The following SRRT variants were observed in gnomAD, a reference collection of about 807,000 sequenced individuals.
SRRT encodes the protein serrate, RNA effector molecule, also known as serrate RNA effector molecule homolog.
In SRRT, 32 loss-of-function variants were observed where a neutral mutation model predicts 103.2. The ratio of observed to expected loss-of-function variants is 0.31; its 90% CI spans 0.23 to 0.42. The LOEUF (loss-of-function observed/expected upper bound fraction) is 0.42, where lower values mean the gene tolerates loss of function less well. Among genes scored for constraint, SRRT ranks in the 10% least tolerant of loss-of-function variants. The pLI is 1.00. For synonymous variants in SRRT, 525 were observed against 449.0 expected, an observed-to-expected ratio of 1.17 and a Z score of -2.14; for missense variants, 986 against 1,207.5, an observed-to-expected ratio of 0.82 and a Z score of 2.72.
In SRRT at chr7:100,887,809, G is replaced by A; in HGVS notation, c.2276G>A (p.Arg759His). ...AACAACTTCCTCACTGATGCTAAGC[G>A]CCCAGCTCTGCCTGAGATCAAGCCA... ...FFNNFLTDAK[R>H]PALPEIKPAQ... The change falls in exon 17 of 20, where the codon CGC (arginine) becomes CAC (histidine). Residue 759 changes from arginine to histidine, a missense_variant. By Grantham distance (29) the Arg-to-His change is conservative (BLOSUM62 0). Around this residue, in one of 6 missense-constraint regions of SRRT, gnomAD observed 178 missense variants for 189.6 expected, o/e 0.94. Coordinates refer to ENST00000611405, the MANE Select transcript of SRRT (RefSeq NM_015908.6). This position sits in a 1 kb window ranked among gnomAD's most constrained non-coding sequence, Gnocchi z 4.1. 6.2e-7 allele frequency: 1 copy of A among 1,612,656 alleles called. No homozygotes were observed. The highest frequency in any genetic ancestry group is 8.5e-7 in the Non-Finnish European group (1 of 1,178,810).
In SRRT at chr7:100,881,815, G is replaced by T; in HGVS notation, c.398+10G>T. On this transcript the variant is annotated intron_variant, in intron 4 of 19. Coordinates refer to ENST00000611405, the MANE Select transcript of SRRT (RefSeq NM_015908.6). ...TGCCTATCCAGGCCAGGTAAGGGTGGGGCTTCTCAGAAGAGGGTTGGTAGG... is the reference window on the plus strand; with the variant it reads ...TGCCTATCCAGGCCAGGTAAGGGTGTGGCTTCTCAGAAGAGGGTTGGTAGG... The T allele has an allele frequency of 6.3e-7, 1 of 1,591,834 alleles. No individual in the cohort carries two copies. Among genetic ancestry groups the T allele is most frequent in the Admixed American group, 1.8e-5 (1 of 56,806 alleles).
Position 100,885,278 on chromosome 7 carries a change from G to T in SRRT, c.1225G>T (p.Gly409Trp), listed in dbSNP as rs1158691314. 6.2e-7 allele frequency: 1 copy of T among 1,614,182 alleles called. No individual in the cohort carries two copies. Among genetic ancestry groups the T allele is most frequent in the African/African-American group, 1.3e-5 (1 of 75,058 alleles). ...EEWEKPKDAA[G>W]LECKPRPLHK... Reference sequence around the variant, plus strand: ...ATGGGAGAAGCCCAAGGACGCCGCGGGGCTGGAGTGCAAGCCGCGGCCGCT... The same window carrying T: ...ATGGGAGAAGCCCAAGGACGCCGCGTGGCTGGAGTGCAAGCCGCGGCCGCT... The change falls in exon 10 of 20, where the codon GGG becomes TGG. Residue 409 changes from glycine (G) to tryptophan (W), a missense_variant. This residue lies in a region of SRRT where 349 missense variants were observed against 446.9 expected (regional missense o/e 0.78). Coordinates refer to ENST00000611405, the MANE Select transcript of SRRT (RefSeq NM_015908.6). This position sits in a 1 kb window ranked among gnomAD's most constrained non-coding sequence, Gnocchi z 4.8.
In SRRT at chr7:100,884,062, G is replaced by A. The variant is rs757968770; in HGVS notation, c.588-8G>A. 5.0e-5 allele frequency: 78 copies of A among 1,569,150 alleles called. No homozygotes were observed. The highest frequency in any genetic ancestry group is 6.4e-5 in the Admixed American group (3 of 47,168). ...GTTTTGTCTTTCCCTCCCCCGCTTC[G>A]TTCCCAGGTTTCGGTCTAAGTACCA... is the stretch of plus-strand genomic sequence containing the variant. On this transcript the variant is annotated splice_polypyrimidine_tract_variant and splice_region_variant and intron_variant, in intron 5 of 19. Coordinates refer to ENST00000611405, the MANE Select transcript of SRRT (RefSeq NM_015908.6).
Position 100,881,667 on chromosome 7 carries a change from A to G in SRRT, c.260A>G (p.His87Arg). ...GTGTCCCCCACCTTCAGGGATGAGC[A>G]CAGCTCTGACCCATACCACAGTGGC... ...QKRMRRDWDE[H>R]SSDPYHSGYE... is the part of the protein sequence containing the mutation. Residue 87 changes from histidine (H) to arginine (R), a missense_variant, in exon 4 of 20, where the codon CAC (histidine) becomes CGC (arginine). This residue lies in a region of SRRT where 274 missense variants were observed against 358.5 expected (regional missense o/e 0.76). Coordinates refer to ENST00000611405, the MANE Select transcript of SRRT (RefSeq NM_015908.6). 2 of 1,613,818 alleles carry G rather than the reference A, an allele frequency of 1.2e-6. No homozygotes were observed. The highest frequency in any genetic ancestry group is 1.7e-6 in the Non-Finnish European group (2 of 1,179,972).
chr7:100,881,686 C>T lies in SRRT; in HGVS notation c.279C>T (p.His93=), dbSNP rs1363715859. 1.2e-6 allele frequency: 2 copies of T among 1,614,058 alleles called. No homozygotes were observed. The highest frequency in any genetic ancestry group is 2.2e-5 in the East Asian group (1 of 44,864). The change falls in exon 4 of 20, where the codon CAC becomes CAT. Residue 93 remains histidine, a synonymous_variant. Transcript: ENST00000611405. ...ATGAGCACAGCTCTGACCCATACCACAGTGGCTATGAGATGCCCTATGCTG... is the reference window on the plus strand; with the variant it reads ...ATGAGCACAGCTCTGACCCATACCATAGTGGCTATGAGATGCCCTATGCTG... ...DWDEHSSDPY[H]SGYEMPYAGG... is the part of the protein sequence containing the mutation.
At chr7:100,884,610 A>G in intron 7 of SRRT, 58 bp downstream of exon 7, 1 of 747,268 alleles carries the variant, frequency 1.3e-6, no homozygotes, top group Non-Finnish European at 2.0e-6. Context: ...GGGGGCGGGT[A>G]GGGGTCCATA....
chr7:100,877,987 TG>T (rs1815914667), intron 2 of SRRT, among the ~76,000 whole-genome samples: 1 of 152,190 alleles, frequency 6.6e-6, no homozygotes, highest in Non-Finnish European at 1.5e-5. Flanking sequence ...TGGTATTTGT[TG>T]CCAGTGATGA....
intron 2 of SRRT, among the ~76,000 whole-genome samples, chr7:100,878,703 G>T (rs1021942881): frequency 1.3e-5 from 2 of 149,372 alleles, no homozygotes; most frequent in Non-Finnish European, 3.0e-5. Context: ...CTGATTTTCT[G>T]TTTTTTTTTT....
intron 2 of SRRT, among the ~76,000 whole-genome samples, chr7:100,877,779 CAA>C (rs1230280872): frequency 6.6e-6 from 1 of 152,126 alleles, no homozygotes; most frequent in Non-Finnish European, 1.5e-5. Context: ...TTCGACCTCT[CAA>C]AGTGCTGGGA....
intron 12 of SRRT, 80 bp from the exon 13 acceptor site, chr7:100,886,167 A>G (rs953274555): frequency 5.3e-6 from 8 of 1,497,858 alleles, no homozygotes; most frequent in South Asian, 1.2e-5. Context: ...CTGGTGCTCA[A>G]GAGGGAAGGG....
chr7:100,887,783 TAAC>T lies in SRRT; in HGVS notation c.2254_2256del (p.Asn752del). ...AAGTGAAAAAGGAAGTCGCGTTTTTTAACAACTTCCTCACTGATGCTAAGCGCC... is the reference window on the plus strand; with the variant it reads ...AAGTGAAAAAGGAAGTCGCGTTTTTTAACTTCCTCACTGATGCTAAGCGCC... On this transcript the variant is annotated inframe_deletion, in exon 17 of 20. Coordinates refer to ENST00000611405, the MANE Select transcript of SRRT (RefSeq NM_015908.6). The surrounding 1 kb of genome is among the most constrained non-coding windows in gnomAD (Gnocchi z 4.1). 6.2e-7 allele frequency: 1 copy of T among 1,613,662 alleles called. No homozygotes were observed. The highest frequency in any genetic ancestry group is 8.5e-7 in the Non-Finnish European group (1 of 1,179,640).
At chr7:100,878,128 G>A (rs532642677) in intron 2 of SRRT, among the ~76,000 whole-genome samples, 195 of 152,134 alleles carry the variant, frequency 1.3e-3, no homozygotes, top group Admixed American at 3.4e-3. Context: ...CCTGGGCAAC[G>A]TGGTGAAACC....
rs1432266569 is a variant in SRRT, at chr7:100,884,925, T to A, written c.1044T>A (p.Ser348Arg). Residue 348 changes from serine to arginine, a missense_variant and splice_region_variant, in exon 9 of 20, where the codon AGT becomes AGA. Around this residue, in one of 6 missense-constraint regions of SRRT, gnomAD observed 166 missense variants for 148.6 expected, o/e 1.12. Coordinates refer to ENST00000611405, the MANE Select transcript of SRRT (RefSeq NM_015908.6). ...CCCCTCTGCTGTGGCTCACACAGAG[T>A]AGCAAGAAGCGGAACCGGAAGCACA... ...KEDSEKEAKK[S>R]SKKRNRKHSG... 7.4e-6 allele frequency: 12 copies of A among 1,613,392 alleles called. No individual in the cohort carries two copies. Among genetic ancestry groups the A allele is most frequent in the Non-Finnish European group, 9.3e-6 (11 of 1,179,902 alleles).
Position 100,885,897 on chromosome 7 carries a change from A to G in SRRT, c.1414A>G (p.Ser472Gly), listed in dbSNP as rs1476843728. Reference protein sequence around the residue: ...FRRGWVTFDRSVNIKEICWNL... With the variant: ...FRRGWVTFDRGVNIKEICWNL... ...TCGTGGCTGGGTGACCTTCGACCGC[A>G]GTGTTAACATTAAAGAGATCTGTTG... is the stretch of plus-strand genomic sequence containing the variant. Residue 472 changes from serine (S) to glycine (G), a missense_variant, in exon 12 of 20, where the codon AGT becomes GGT. By Grantham distance (56) the Ser-to-Gly change is moderately conservative. Coordinates refer to ENST00000611405, the MANE Select transcript of SRRT (RefSeq NM_015908.6). The surrounding 1 kb of genome is among the most constrained non-coding windows in gnomAD (Gnocchi z 4.8). The G allele has an allele frequency of 5.0e-6, 8 of 1,614,088 alleles. No individual in the cohort carries two copies. Among genetic ancestry groups the G allele is most frequent in the Non-Finnish European group, 6.8e-6 (8 of 1,180,028 alleles).
At position 100,885,010 on chromosome 7, in the gene SRRT, G is replaced by A. The variant is rs562353828; in HGVS notation, c.1129G>A (p.Gly377Ser). The A allele has an allele frequency of 2.0e-5, 32 of 1,614,014 alleles. No homozygotes were observed. Among genetic ancestry groups the A allele is most frequent in the Admixed American group, 1.7e-4 (10 of 60,022 alleles). Residue 377 changes from glycine to serine, a missense_variant, in exon 9 of 20, where the codon GGC (glycine) becomes AGC (serine). Gly to Ser is a moderately conservative substitution (Grantham distance 56). Transcript: ENST00000611405. The surrounding 1 kb of genome is among the most constrained non-coding windows in gnomAD (Gnocchi z 4.8). ...VSESESESES[G>S]QAEEEKEEAE... ...AGAGTCTGAGTCGGAGTCAGAGAGC[G>A]GCCAGGCTGAGGAGGAGAAGGAGGA...
Position 100,882,386 on chromosome 7 carries a change from T to C in SRRT, c.587+145T>C. The C allele has an allele frequency of 1.1e-6, 1 of 870,736 alleles. No individual in the cohort carries two copies. Among genetic ancestry groups the C allele is most frequent in the Non-Finnish European group, 1.7e-6 (1 of 578,456 alleles). The allele number at this position is 870,736 out of a possible 1,614,324, so 53.9% of individuals were successfully genotyped here. A position where few individuals can be genotyped will look rare whatever the true frequency, so the allele number is the denominator to read the frequency against. ...CGGGAAGTATGACAGCATTGGCTGA[T>C]GGGGTCTCCCCCTCACTTCAGCAAC... On this transcript the variant is annotated intron_variant, in intron 5 of 19. Transcript: ENST00000611405. This position sits in a 1 kb window ranked among gnomAD's most constrained non-coding sequence, Gnocchi z 4.2.
chr7:100,887,869 G>T lies in SRRT; in HGVS notation c.2326+10G>T. The stretch of plus-strand genomic sequence containing the variant: ...CCTGGCCCCGCCCAGAGTAAGATAC[G>T]ATCCATGAAGGTCGCATGTGCCCTC... On this transcript the variant is annotated intron_variant, in intron 17 of 19. Coordinates refer to ENST00000611405, the MANE Select transcript of SRRT (RefSeq NM_015908.6). This position sits in a 1 kb window ranked among gnomAD's most constrained non-coding sequence, Gnocchi z 4.1. 1.3e-6 allele frequency: 2 copies of T among 1,593,426 alleles called. No homozygotes were observed. Among genetic ancestry groups the T allele is most frequent in the South Asian group, 1.1e-5 (1 of 90,518 alleles).
At chr7:100,879,354 C>CT (rs1176795200) in intron 2 of SRRT, among the ~76,000 whole-genome samples, 1 of 152,138 alleles carries the variant, frequency 6.6e-6, no homozygotes, top group East Asian at 1.9e-4. Flanking sequence ...CTGCTTCGGC[C>CT]TCCCAAAGTG....
intron 2 of SRRT, among the ~76,000 whole-genome samples, chr7:100,878,641 A>T (rs570249400): frequency 4.3e-4 from 65 of 152,260 alleles, no homozygotes; most frequent in Non-Finnish European, 9.0e-4. Context: ...TCCAAAATGA[A>T]TATCTACAGT....
Sources: allele counts gnomAD v4.1 joint callset (sites outside exome capture counted in the v4.1 genomes callset), GRCh38; gene constraint gnomAD v4.1.1; regional missense constraint gnomAD v4.1.1; non-coding constraint Gnocchi (gnomAD v3.1); transcripts MANE v1.5; gene names NCBI Gene and HGNC (gene_info 2026-07-23, HGNC 2026-07-21).